Variants in TAMM41 observed in about 807,000 individuals in gnomAD.
TAMM41 encodes the protein phosphatidate cytidylyltransferase, mitochondrial.
Under a neutral mutation model 44.1 loss-of-function variants are expected in TAMM41, and 36 were observed. The ratio of observed to expected loss-of-function variants is 0.82; its 90% confidence interval spans 0.63 to 1.08. The LOEUF (loss-of-function observed/expected upper bound fraction) is 1.08, where lower values mean the gene tolerates loss of function less well. Among genes scored for constraint, TAMM41 ranks in the 50% least tolerant of loss-of-function variants. TAMM41 has a pLI of 0.00. For missense variants in TAMM41, 417 were observed against 404.3 expected, an observed-to-expected ratio of 1.03 and a Z score of -0.27; for synonymous variants, 164 against 153.1, an observed-to-expected ratio of 1.07 and a Z score of -0.53.
chr3:11,729,538 C>CTTTTTTTTTTTTTTTTTTTTTTTTTTTTT, the TAMM41 span, among the ~76,000 whole-genome samples: 27 of 65,534 alleles, frequency 4.1e-4, 3 homozygotes, highest in African/African-American at 1.3e-3. Context: ...TTCTTTCTTT[C>CTTTTTTTTTTTTTTTTTTTTTTTTTTTTT]ATTTTTTTTT....
chr3:11,742,740 C>A, the TAMM41 span, among the ~76,000 whole-genome samples: 1 of 150,130 alleles, frequency 6.7e-6, no homozygotes, highest in Non-Finnish European at 1.5e-5. Flanking sequence ...GTGTGCACCA[C>A]CACACCTGGC....
At chr3:11,770,941 T>C in the TAMM41 span, among the ~76,000 whole-genome samples, 46 of 152,216 alleles carry the variant, frequency 3.0e-4, no homozygotes, top group African/African-American at 1.1e-3. Context: ...AGTGGGTACA[T>C]GTACCCCCTT....
chr3:11,727,808 A>G, the TAMM41 span, among the ~76,000 whole-genome samples: 1 of 139,956 alleles, frequency 7.1e-6, no homozygotes, highest in Non-Finnish European at 1.5e-5. Flanking sequence ...TTTTTTTGAG[A>G]CAGAGTCTAG....
chr3:11,762,805 A>G, the TAMM41 span, among the ~76,000 whole-genome samples: 1 of 152,142 alleles, frequency 6.6e-6, no homozygotes, highest in African/African-American at 2.4e-5. Flanking sequence ...CACTCCTGTA[A>G]TCCCAGCACT....
downstream of TAMM41, among the ~76,000 whole-genome samples, chr3:11,785,908 C>T (rs907906299): frequency 2.0e-5 from 3 of 152,102 alleles, no homozygotes; most frequent in East Asian, 1.9e-4. Flanking sequence ...TGTTAGCCAC[C>T]GTGCCTGGCC....
At chr3:11,814,501 C>CGAGA (rs143168450) in intron 5 of TAMM41, among the ~76,000 whole-genome samples, 13 of 145,558 alleles carry the variant, frequency 8.9e-5, no homozygotes, top group African/African-American at 3.0e-4. Flanking sequence ...AACGAAGAGA[C>CGAGA]GAGAGAGAGA....
At chr3:11,725,905 G>A in the TAMM41 span, among the ~76,000 whole-genome samples, 24 of 152,160 alleles carry the variant, frequency 1.6e-4, no homozygotes, top group Admixed American at 1.4e-3. Context: ...CCAATGACAC[G>A]TGTGGAAGGG....
the TAMM41 span, among the ~76,000 whole-genome samples, chr3:11,735,788 G>T: frequency 1.3e-5 from 2 of 152,174 alleles, no homozygotes; most frequent in Non-Finnish European, 2.9e-5. Context: ...AGGAAGTTGA[G>T]GGAGCAAAGC....
At chr3:11,786,310 ATTATTATTT>A (rs2077417724), downstream of TAMM41, among the ~76,000 whole-genome samples, 4 of 116,246 alleles carry the variant, frequency 3.4e-5, no homozygotes, top group Middle Eastern at 0.013. Flanking sequence ...TATTATTATT[ATTATTATTT>A]TTTGAGATGG....
the TAMM41 span, among the ~76,000 whole-genome samples, chr3:11,740,808 CGG>C: frequency 0.014 from 1,900 of 139,584 alleles, 33 homozygotes; most frequent in African/African-American, 0.052. Flanking sequence ...TCAGGTGATC[CGG>C]CTGTCTTGGC....
chr3:11,789,166 C>T (rs544068882), downstream of TAMM41, among the ~76,000 whole-genome samples: 22 of 152,194 alleles, frequency 1.4e-4, no homozygotes, highest in South Asian at 1.0e-3. Context: ...TTCAGAGGCT[C>T]GATAACTTGC....
intron 4 of TAMM41, among the ~76,000 whole-genome samples, chr3:11,824,082 C>A (rs1213728625): frequency 6.6e-6 from 1 of 152,118 alleles, no homozygotes; most frequent in African/African-American, 2.4e-5. Flanking sequence ...CAGCCTTGGC[C>A]TCCCAAAGTG....
At chr3:11,743,019 G>GC in the TAMM41 span, among the ~76,000 whole-genome samples, 56 of 152,064 alleles carry the variant, frequency 3.7e-4, no homozygotes, top group African/African-American at 1.2e-3. Flanking sequence ...GGGAGTGTAG[G>GC]CCCCCCCAAC....
chr3:11,794,267 G>C (rs1463331234), intron 7 of TAMM41, among the ~76,000 whole-genome samples: 1 of 151,832 alleles, frequency 6.6e-6, no homozygotes, highest in Admixed American at 6.6e-5. Context: ...TTCCTGAGTA[G>C]CTGGGGCTAC....
At chr3:11,748,794 G>C in the TAMM41 span, among the ~76,000 whole-genome samples, 1 of 152,178 alleles carries the variant, frequency 6.6e-6, no homozygotes, top group Non-Finnish European at 1.5e-5. Context: ...CATGTGGATG[G>C]TGTGGTGGAG....
the TAMM41 span, among the ~76,000 whole-genome samples, chr3:11,745,616 C>A: frequency 6.6e-6 from 1 of 152,018 alleles, no homozygotes; most frequent in Non-Finnish European, 1.5e-5. Context: ...CTATGAGGTA[C>A]CTAGAGTAGT....
intron 7 of TAMM41, among the ~76,000 whole-genome samples, chr3:11,801,335 TCCCCTGAGA>T (rs1204716861): frequency 3.4e-5 from 5 of 145,514 alleles, no homozygotes; most frequent in Middle Eastern, 3.4e-3. Context: ...AAGATTTTTT[TCCCCTGAGA>T]CCCCTGAGAC....
At chr3:11,796,067 A>T (rs1296250480) in intron 7 of TAMM41, among the ~76,000 whole-genome samples, 2 of 152,228 alleles carry the variant, frequency 1.3e-5, no homozygotes, top group Non-Finnish European at 2.9e-5. Flanking sequence ...TTCTCTAATC[A>T]CATTTGAACA....
the TAMM41 span, among the ~76,000 whole-genome samples, chr3:11,760,806 C>T: frequency 6.6e-6 from 1 of 151,972 alleles, no homozygotes; most frequent in East Asian, 2.0e-4. Context: ...AGTGATCCAC[C>T]CGCTTTGGCC....
Sources: allele counts gnomAD v4.1 joint callset (sites outside exome capture counted in the v4.1 genomes callset), GRCh38; gene constraint gnomAD v4.1.1; transcripts MANE v1.5; gene names NCBI Gene and HGNC (gene_info 2026-07-23, HGNC 2026-07-21).